LRRTM4: variants seen among roughly 807,000 people sequenced by gnomAD.
LRRTM4 encodes leucine rich repeat transmembrane neuronal 4.
In LRRTM4, 25 loss-of-function variants were observed where a neutral mutation model predicts 47.6. That is an observed-to-expected ratio of 0.53 (90% confidence interval 0.38 to 0.73). The LOEUF is 0.73. LRRTM4 is among the 30% of genes least tolerant of loss of function. LRRTM4 has a pLI of 0.00. For missense variants in LRRTM4, 638 were observed against 713.4 expected, an observed-to-expected ratio of 0.89 and a Z score of 1.20; for synonymous variants, 311 against 269.5, an observed-to-expected ratio of 1.15 and a Z score of -1.51.
chr2:77,353,626 T>C (rs181844785), intron 3 of LRRTM4, among the ~76,000 whole-genome samples: 8 of 152,280 alleles, frequency 5.3e-5, no homozygotes, highest in Non-Finnish European at 1.0e-4. Flanking sequence ...TTTCATCTAC[T>C]TATTTTATAA....
chr2:77,508,889 A>C (rs1260150417), intron 3 of LRRTM4, among the ~76,000 whole-genome samples: 1 of 152,102 alleles, frequency 6.6e-6, no homozygotes, highest in Non-Finnish European at 1.5e-5. Flanking sequence ...GTATTGTTGA[A>C]AACTCCCACT....
chr2:76,832,957 A>G (rs1343554885), intron 3 of LRRTM4, among the ~76,000 whole-genome samples: 1 of 152,098 alleles, frequency 6.6e-6, no homozygotes, highest in Non-Finnish European at 1.5e-5. Context: ...GAAGGAGAGT[A>G]TGGCACACTA....
At chr2:77,149,377 A>C (rs1173451547) in intron 3 of LRRTM4, among the ~76,000 whole-genome samples, 4 of 152,128 alleles carry the variant, frequency 2.6e-5, no homozygotes, top group South Asian at 4.1e-4. Context: ...GCTCATATTT[A>C]TGTCTCCCAT....
chr2:77,260,361 A>G (rs1486422462), intron 3 of LRRTM4, among the ~76,000 whole-genome samples: 1 of 144,956 alleles, frequency 6.9e-6, no homozygotes, highest in African/African-American at 2.6e-5. Flanking sequence ...AATTGGAAGT[A>G]CTACCAAAAA....
At chr2:77,159,377 TG>T (rs1398798755) in intron 3 of LRRTM4, among the ~76,000 whole-genome samples, 1 of 151,914 alleles carries the variant, frequency 6.6e-6, no homozygotes. Context: ...AATCGTTGGT[TG>T]GGGAGAGGGA....
At chr2:77,128,834 TTCACCATGTTGC>T (rs1439510654) in intron 3 of LRRTM4, among the ~76,000 whole-genome samples, 2 of 152,146 alleles carry the variant, frequency 1.3e-5, no homozygotes, top group Non-Finnish European at 2.9e-5. Context: ...GAGATGGAGT[TTCACCATGTTGC>T]TCAGGCTGGT....
Position 77,305,683 on chromosome 2 carries a change from C to G in LRRTM4, c.1551+212635G>C, listed in dbSNP as rs189302725. ...TTCAAATCGTTGCTTTGTTATACTA[C>G]TAAAAGTTGGCAAGATGACTTTTTG... On this transcript the variant is annotated intron_variant, in intron 3 of 3. Coordinates refer to ENST00000409884, the MANE Select transcript of LRRTM4 (RefSeq NM_001134745.3). Among the ~76,000 whole-genome samples, 159 of 151,958 alleles carry G rather than the reference C, an allele frequency of 1.0e-3. 1 individual carries two copies. The highest frequency in any genetic ancestry group is 3.5e-3 in the African/African-American group (146 of 41,374).
chr2:76,901,612 T>C (rs943276342), intron 3 of LRRTM4, among the ~76,000 whole-genome samples: 15 of 152,160 alleles, frequency 9.9e-5, no homozygotes, highest in African/African-American at 3.6e-4. Flanking sequence ...TTTTAAAGAC[T>C]TTTCTGTTTA....
At chr2:77,078,380 C>CCACACACACA (rs59703273) in intron 3 of LRRTM4, among the ~76,000 whole-genome samples, 6 of 139,244 alleles carry the variant, frequency 4.3e-5, no homozygotes, top group Non-Finnish European at 8.1e-5. Context: ...ACACACACAC[C>CCACACACACA]CACACACACA....
chr2:77,162,010 A>G (rs1171108792), intron 3 of LRRTM4, among the ~76,000 whole-genome samples: 1 of 152,208 alleles, frequency 6.6e-6, no homozygotes, highest in African/African-American at 2.4e-5. Flanking sequence ...TACCGGGTTC[A>G]TCTCACTGAG....
intron 3 of LRRTM4, among the ~76,000 whole-genome samples, chr2:76,905,714 G>A (rs1352588813): frequency 1.3e-5 from 2 of 149,522 alleles, no homozygotes; most frequent in East Asian, 4.1e-4. Context: ...AGCCTCAGGA[G>A]CCGATGCGAT....
chr2:76,785,969 G>A (rs980981595), intron 3 of LRRTM4, among the ~76,000 whole-genome samples: 5 of 152,060 alleles, frequency 3.3e-5, no homozygotes, highest in Admixed American at 2.0e-4. Flanking sequence ...TGCACTTGAC[G>A]GACTTCTGAA....
intron 3 of LRRTM4, among the ~76,000 whole-genome samples, chr2:76,947,563 CCTT>C (rs1346345559): frequency 1.3e-5 from 2 of 151,624 alleles, no homozygotes; most frequent in African/African-American, 2.4e-5. Flanking sequence ...CTTATCTAAC[CCTT>C]TTTTGTAGGA....
chr2:77,461,243 G>A (rs183350898), intron 3 of LRRTM4, among the ~76,000 whole-genome samples: 49 of 151,682 alleles, frequency 3.2e-4, no homozygotes, highest in Non-Finnish European at 2.9e-5. Context: ...GAAAATATAT[G>A]GGAACAGATT....
chr2:77,294,247 ACT>A lies in LRRTM4; in HGVS notation c.1551+224069_1551+224070del, dbSNP rs1491422455. Among the ~76,000 whole-genome samples, 3 of 151,082 alleles carry A rather than the reference ACT, an allele frequency of 2.0e-5. No individual in the cohort carries two copies. The East Asian group carries it at 5.8e-4, about 29-fold the overall frequency. Reference sequence around the variant, plus strand: ...ATAATCAACTATTCGATCAATAGTGACTTTTTTTGGAAAATCAGGAGGAAAAT... The same window carrying A: ...ATAATCAACTATTCGATCAATAGTGATTTTTTGGAAAATCAGGAGGAAAAT... On this transcript the variant is annotated intron_variant, in intron 3 of 3. Coordinates refer to ENST00000409884, the MANE Select transcript of LRRTM4 (RefSeq NM_001134745.3).
Position 76,839,999 on chromosome 2 carries a change from A to G in LRRTM4, c.1552-91083T>C, listed in dbSNP as rs62173091. Among the ~76,000 whole-genome samples the G allele has an allele frequency of 6.0e-3, 914 of 152,262 alleles. 1 individual carries two copies. The highest frequency in any genetic ancestry group is 0.011 in the Non-Finnish European group (731 of 68,014). ...CATTCAATCTGGCCCTGAAGACACA[A>G]TGATGAATAAGGCAGACCCCCTGCT... On this transcript the variant is annotated intron_variant, in intron 3 of 3. Transcript: ENST00000409884.
intron 3 of LRRTM4, among the ~76,000 whole-genome samples, chr2:77,000,331 A>G (rs1677371758): frequency 6.6e-6 from 1 of 151,856 alleles, no homozygotes; most frequent in South Asian, 2.1e-4. Context: ...AGGGTTAGTA[A>G]TTGTGTGGTC....
intron 3 of LRRTM4, among the ~76,000 whole-genome samples, chr2:77,267,567 C>G (rs371184334): frequency 3.9e-5 from 6 of 152,292 alleles, no homozygotes; most frequent in African/African-American, 1.4e-4. Context: ...AGGCCTCACT[C>G]TCTCAAAACT....
intron 3 of LRRTM4, among the ~76,000 whole-genome samples, chr2:77,403,688 T>A (rs1047478461): frequency 6.6e-6 from 1 of 151,834 alleles, no homozygotes; most frequent in Admixed American, 6.6e-5. Context: ...AAACTCCTCC[T>A]TTGAAACCTT....
Sources: allele counts gnomAD v4.1 joint callset (sites outside exome capture counted in the v4.1 genomes callset), GRCh38; gene constraint gnomAD v4.1.1; transcripts MANE v1.5; gene names NCBI Gene and HGNC (gene_info 2026-07-23, HGNC 2026-07-21).